Variants in AUTS2 observed in about 807,000 individuals in gnomAD.
AUTS2 encodes the protein activator of transcription and developmental regulator AUTS2, also known as autism susceptibility gene 2 protein.
AUTS2 carries 17 observed loss-of-function variants against 112.4 expected under a neutral mutation model. The observed-to-expected ratio is 0.15, with a 90% confidence interval of 0.10 to 0.23. The LOEUF (loss-of-function observed/expected upper bound fraction) is 0.23, where lower values mean the gene tolerates loss of function less well. Ranked by LOEUF, AUTS2 falls within the 10% of genes least tolerant of loss-of-function variation. AUTS2 has a pLI of 1.00. For synonymous variants in AUTS2, 751 were observed against 702.7 expected, an observed-to-expected ratio of 1.07 and a Z score of -1.09; for missense variants, 1,510 against 1,701.6, an observed-to-expected ratio of 0.89 and a Z score of 1.98.
At chr7:70,721,083 T>TTAATAATAA (rs35640413) in intron 6 of AUTS2, among the ~76,000 whole-genome samples, 2 of 150,322 alleles carry the variant, frequency 1.3e-5, no homozygotes, top group African/African-American at 2.4e-5. Flanking sequence ...ATTGAGTTTT[T>TTAATAATAA]TAATAATAAT....
chr7:69,962,634 G>A lies in AUTS2; in HGVS notation c.522+63136G>A, dbSNP rs1002463222. ...CAAATTCTTTCTTTGAGGGTCAGGG[G>A]AGGCTTTTGTAAAATGTTCAGGTCT... On this transcript the variant is annotated intron_variant, in intron 2 of 18. Coordinates refer to ENST00000342771, the MANE Select transcript of AUTS2 (RefSeq NM_015570.4). Among the ~76,000 whole-genome samples, 11 of 152,118 alleles carry A rather than the reference G, an allele frequency of 7.2e-5. No individual in the cohort carries two copies. The East Asian group carries it at 2.1e-3, about 29-fold the overall frequency.
At chr7:69,975,134 T>A (rs1487286961) in intron 2 of AUTS2, among the ~76,000 whole-genome samples, 1 of 152,074 alleles carries the variant, frequency 6.6e-6, no homozygotes. Flanking sequence ...GACAGTTTCT[T>A]TTGTCTTTTT....
intron 4 of AUTS2, among the ~76,000 whole-genome samples, chr7:70,189,285 C>A (rs558722000): frequency 6.6e-6 from 1 of 152,214 alleles, no homozygotes; most frequent in Non-Finnish European, 1.5e-5. Flanking sequence ...ATAGGAAACA[C>A]CAGAGGAGGA....
intron 2 of AUTS2, among the ~76,000 whole-genome samples, chr7:69,981,248 T>C (rs966050346): frequency 6.6e-6 from 1 of 152,162 alleles, no homozygotes; most frequent in Non-Finnish European, 1.5e-5. Flanking sequence ...GGCTATGAAA[T>C]GTTCAGTAAG....
chr7:70,372,546 T>C (rs1585070308), intron 4 of AUTS2, among the ~76,000 whole-genome samples: 2 of 152,072 alleles, frequency 1.3e-5, no homozygotes, highest in East Asian at 1.9e-4. Context: ...AAACAAACAG[T>C]AGGGGGAAGA....
chr7:70,502,368 C>T (rs895133581), intron 5 of AUTS2, among the ~76,000 whole-genome samples: 1 of 152,216 alleles, frequency 6.6e-6, no homozygotes. Context: ...GAAGATGTTA[C>T]ACTTTAAGGC....
At chr7:70,110,144 G>A (rs902205164) in intron 2 of AUTS2, among the ~76,000 whole-genome samples, 4 of 152,164 alleles carry the variant, frequency 2.6e-5, no homozygotes, top group Non-Finnish European at 2.9e-5. Flanking sequence ...CGGTCAGTTC[G>A]CTCTTGATTT....
rs145730337 is a variant in AUTS2, at chr7:70,765,088, G to T, written c.1468+83G>T. 5,021 of 1,529,816 alleles carry T rather than the reference G, an allele frequency of 3.3e-3. 13 individuals are homozygous for T. The highest frequency in any genetic ancestry group is 4.2e-3 in the Non-Finnish European group (4,711 of 1,133,872). The allele number at this position is 1,529,816 out of a possible 1,614,324, so 94.8% of individuals were successfully genotyped here. The stretch of plus-strand genomic sequence containing the variant: ...TCACCCTACCTATGTTGTCCCGATT[G>T]CAAGGTTGCATTTGCCTACAATTTT... On this transcript the variant is annotated intron_variant, in intron 8 of 18. Coordinates refer to ENST00000342771, the MANE Select transcript of AUTS2 (RefSeq NM_015570.4).
intron 2 of AUTS2, among the ~76,000 whole-genome samples, chr7:70,090,824 G>A (rs1402405976): frequency 6.6e-6 from 1 of 151,562 alleles, no homozygotes; most frequent in Admixed American, 6.6e-5. Context: ...GACTACAGAT[G>A]TGCACCACCA....
At chr7:69,968,689 T>C (rs1315211773) in intron 2 of AUTS2, among the ~76,000 whole-genome samples, 1 of 152,200 alleles carries the variant, frequency 6.6e-6, no homozygotes, top group East Asian at 1.9e-4. Flanking sequence ...AGAGTTAAGC[T>C]GAGGCTCTAT....
intron 6 of AUTS2, among the ~76,000 whole-genome samples, chr7:70,719,651 A>G (rs959288892): frequency 1.3e-5 from 2 of 152,052 alleles, no homozygotes; most frequent in African/African-American, 4.8e-5. Flanking sequence ...TTTAGTAGAG[A>G]CCGGGTTTCA....
chr7:69,712,224 A>AT (rs1251188963), intron 1 of AUTS2, among the ~76,000 whole-genome samples: 2 of 152,178 alleles, frequency 1.3e-5, no homozygotes, highest in Non-Finnish European at 2.9e-5. Flanking sequence ...TTTTTTAAAA[A>AT]TTGAAGTAAA....
chr7:69,804,374 A>G (rs1277096808), intron 1 of AUTS2, among the ~76,000 whole-genome samples: 1 of 152,170 alleles, frequency 6.6e-6, no homozygotes, highest in African/African-American at 2.4e-5. Flanking sequence ...GAAACTTCTC[A>G]TACCTTTGAT....
rs374855843 is a variant in AUTS2 at position 70,759,591 on chromosome 7, G to A, written c.743-3279G>A. Among the ~76,000 whole-genome samples, 31 of 152,292 alleles carry A rather than the reference G, an allele frequency of 2.0e-4. 1 individual carries two copies. Among genetic ancestry groups the A allele is most frequent in the African/African-American group, 7.5e-4 (31 of 41,582 alleles). ...GTAGCTTGTTGGAGGTGGTGCTGAC[G>A]GCCACAGCCTTGGCACCACTCCTCA... On this transcript the variant is annotated intron_variant, in intron 6 of 18. Coordinates refer to ENST00000342771, the MANE Select transcript of AUTS2 (RefSeq NM_015570.4).
chr7:69,891,077 C>T (rs1394198497), intron 1 of AUTS2, among the ~76,000 whole-genome samples: 1 of 152,166 alleles, frequency 6.6e-6, no homozygotes, highest in Admixed American at 6.5e-5. Context: ...AAACCACTGC[C>T]ACAATCAAGA....
intron 1 of AUTS2, among the ~76,000 whole-genome samples, chr7:69,884,677 G>A (rs1033870326): frequency 6.6e-6 from 1 of 152,176 alleles, no homozygotes; most frequent in Non-Finnish European, 1.5e-5. Context: ...AGACAAGCCT[G>A]TGGCTTGTTT....
chr7:70,729,054 G>A (rs949534058), intron 6 of AUTS2: 3 of 411,342 alleles, frequency 7.3e-6, no homozygotes, highest in Non-Finnish European at 1.5e-5. Flanking sequence ...GCCACTTTCT[G>A]TTCTTTGTGA....
chr7:70,463,348 C>T (rs1797045691), intron 5 of AUTS2, among the ~76,000 whole-genome samples: 1 of 152,222 alleles, frequency 6.6e-6, no homozygotes, highest in South Asian at 2.1e-4. Flanking sequence ...TCATAAGACC[C>T]AGATAAGCAT....
At chr7:70,621,970 G>T (rs139356013) in intron 5 of AUTS2, among the ~76,000 whole-genome samples, 1 of 143,992 alleles carries the variant, frequency 6.9e-6, no homozygotes, top group East Asian at 2.2e-4. Context: ...CCTCAGCCTC[G>T]CGAGTAACTG....
Sources: gnomAD v4.1 joint callset for allele counts (sites outside exome capture counted in the v4.1 genomes callset) on GRCh38, gnomAD v4.1.1 for gene constraint, MANE v1.5 for transcripts, NCBI Gene and HGNC (gene_info 2026-07-23, HGNC 2026-07-21) for gene names.